The following DMRTB1 variants were observed in gnomAD, a reference collection of about 807,000 sequenced individuals.
DMRTB1 encodes DMRT like family B with proline rich C-terminal 1, also known as doublesex- and mab-3-related transcription factor B1.
DMRTB1 carries 9 observed loss-of-function variants against 25.2 expected under a neutral mutation model. That is an observed-to-expected ratio of 0.36 (90% confidence interval 0.22 to 0.62). The LOEUF (loss-of-function observed/expected upper bound fraction) is 0.62, where lower values mean the gene tolerates loss of function less well. Among genes scored for constraint, DMRTB1 ranks in the 20% least tolerant of loss-of-function variants. The pLI is 0.71. For missense variants in DMRTB1, 551 were observed against 499.3 expected (o/e 1.10, Z -0.99); for synonymous variants, 269 against 238.1 (o/e 1.13, Z -1.20).
intron 3 of DMRTB1, among the ~76,000 whole-genome samples, chr1:53,466,172 G>C (rs924155771): frequency 1.3e-5 from 2 of 152,166 alleles, no homozygotes; most frequent in African/African-American, 4.8e-5. Context: ...CTAGGGCTGG[G>C]AATGATGAGA....
intron 2 of DMRTB1, among the ~76,000 whole-genome samples, chr1:53,462,472 C>A (rs920279108): frequency 6.6e-6 from 1 of 152,320 alleles, no homozygotes. Context: ...TTCAGCCTGG[C>A]GGCAGCAGCT....
chr1:53,463,505 A>G (rs959754576), intron 2 of DMRTB1, among the ~76,000 whole-genome samples: 1 of 152,214 alleles, frequency 6.6e-6, no homozygotes, highest in South Asian at 2.1e-4. Context: ...TCCTGAGAAT[A>G]GATAAGGCGA....
intron 1 of DMRTB1, among the ~76,000 whole-genome samples, chr1:53,460,790 G>A (rs1454191783): frequency 6.6e-6 from 1 of 152,196 alleles, no homozygotes; most frequent in Non-Finnish European, 1.5e-5. Flanking sequence ...TGGTGGGACG[G>A]GCTCAGGCCG....
intron 1 of DMRTB1, 122 bp from the exon 2 acceptor site, chr1:53,461,351 G>A: frequency 9.7e-7 from 1 of 1,035,386 alleles, no homozygotes; most frequent in Non-Finnish European, 1.4e-6. Context: ...CCAGCGGAAG[G>A]AAGTGCGGGG....
At position 53,459,756 on chromosome 1, in the gene DMRTB1, G is replaced by A; in HGVS notation, c.303G>A (p.Gly101=). ...PAASLRPLSP[G]TPSGDADPGP... ...CGAGCCTCCGCCCGCTGTCCCCGGG[G>A]ACTCCCTCCGGAGACGCCGACCCGG... Residue 101 remains glycine (G), a synonymous_variant, in exon 1 of 4, where the codon GGG becomes GGA. Coordinates refer to ENST00000371445, the MANE Select transcript of DMRTB1 (RefSeq NM_033067.3). 2.2e-6 allele frequency: 3 copies of A among 1,363,872 alleles called. No individual in the cohort carries two copies. Among genetic ancestry groups the A allele is most frequent in the Non-Finnish European group, 2.8e-6 (3 of 1,061,628 alleles). 84.5% of individuals were successfully genotyped at this position (1,363,872 alleles called of 1,614,324 possible). A position where few individuals can be genotyped will look rare whatever the true frequency, so the allele number is the denominator to read the frequency against.
Position 53,466,802 on chromosome 1 carries a change from A to C in DMRTB1, c.*140A>C. The C allele has an allele frequency of 1.2e-6, 1 of 820,830 alleles. No individual in the cohort carries two copies. The highest frequency in any genetic ancestry group is 2.4e-5 in the East Asian group (1 of 40,946). The allele number at this position is 820,830 out of a possible 1,614,324, so 50.8% of individuals were successfully genotyped here. A position where few individuals can be genotyped will look rare whatever the true frequency, so the allele number is the denominator to read the frequency against. Reference sequence around the variant, plus strand: ...CAACTGATTCCCAGTTTAAGATAGGAGGAAGGAGAGCAATTTCTAAGTTTC... The same window carrying C: ...CAACTGATTCCCAGTTTAAGATAGGCGGAAGGAGAGCAATTTCTAAGTTTC... On this transcript the variant is annotated 3_prime_UTR_variant, in exon 4 of 4. Transcript: ENST00000371445.
Position 53,466,813 on chromosome 1 carries a change from C to A in DMRTB1, c.*151C>A. On this transcript the variant is annotated 3_prime_UTR_variant, in exon 4 of 4. Transcript: ENST00000371445. Reference sequence around the variant, plus strand: ...CAGTTTAAGATAGGAGGAAGGAGAGCAATTTCTAAGTTTCAATCCTGCGCT... The same window carrying A: ...CAGTTTAAGATAGGAGGAAGGAGAGAAATTTCTAAGTTTCAATCCTGCGCT... The A allele has an allele frequency of 1.3e-6, 1 of 780,986 alleles. No homozygotes were observed. Among genetic ancestry groups the A allele is most frequent in the Non-Finnish European group, 2.1e-6 (1 of 469,946 alleles). 48.4% of individuals were successfully genotyped at this position (780,986 alleles called of 1,614,324 possible). A position where few individuals can be genotyped will look rare whatever the true frequency, so the allele number is the denominator to read the frequency against.
intron 3 of DMRTB1, 80 bp from the exon 4 acceptor site, chr1:53,466,515 A>G (rs1644051087): frequency 7.1e-7 from 1 of 1,399,954 alleles, no homozygotes; most frequent in Middle Eastern, 1.8e-4. Context: ...AAAATAAGAA[A>G]AAAGAAAATC....
intron 3 of DMRTB1, among the ~76,000 whole-genome samples, chr1:53,465,727 T>A (rs991050547): frequency 2.6e-5 from 4 of 152,378 alleles, no homozygotes; most frequent in African/African-American, 7.2e-5. Context: ...GGTGGTTTCA[T>A]GTGGCTGAAA....
chr1:53,460,733 G>C (rs1271490529), intron 1 of DMRTB1, among the ~76,000 whole-genome samples: 2 of 152,234 alleles, frequency 1.3e-5, no homozygotes, highest in South Asian at 2.1e-4. Context: ...TAGAAGCCCC[G>C]GGGTTTGGTG....
At chr1:53,463,772 A>G (rs1644035519) in intron 2 of DMRTB1, among the ~76,000 whole-genome samples, 1 of 152,250 alleles carries the variant, frequency 6.6e-6, no homozygotes, top group South Asian at 2.1e-4. Context: ...CCAGGACTCC[A>G]TGAAACTCAG....
Position 53,467,432 on chromosome 1 carries a change from A to T in DMRTB1, c.*770A>T, listed in dbSNP as rs1407003963. 6.6e-6 allele frequency: 1 copy of T among 152,308 alleles called. No homozygotes were observed. The highest frequency in any genetic ancestry group is 1.9e-4 in the East Asian group (1 of 5,206). 9.4% of individuals were successfully genotyped at this position (152,308 alleles called of 1,614,324 possible). On this transcript the variant is annotated 3_prime_UTR_variant, in exon 4 of 4. Coordinates refer to ENST00000371445, the MANE Select transcript of DMRTB1 (RefSeq NM_033067.3). ...AATGGTGCTTCTGATCACCTGTGACATGAACAGTTTCTTCTGTGAGGACAG... is the reference window on the plus strand; with the variant it reads ...AATGGTGCTTCTGATCACCTGTGACTTGAACAGTTTCTTCTGTGAGGACAG...
intron 2 of DMRTB1, among the ~76,000 whole-genome samples, chr1:53,462,259 G>C (rs996333641): frequency 1.3e-5 from 2 of 152,216 alleles, no homozygotes; most frequent in Non-Finnish European, 2.9e-5. Context: ...TGTAAAGTCA[G>C]GTCATCCCTG....
chr1:53,460,076 C>A (rs1373864784), intron 1 of DMRTB1, 46 bp downstream of exon 1: 1 of 1,499,344 alleles, frequency 6.7e-7, no homozygotes, highest in Non-Finnish European at 8.8e-7. Flanking sequence ...GAGCTGGCAG[C>A]CCAGGCCAGC....
chr1:53,460,606 C>T (rs1644016561), intron 1 of DMRTB1: 1 of 152,554 alleles, frequency 6.6e-6, no homozygotes, highest in South Asian at 2.1e-4. Flanking sequence ...AACAGTTGGT[C>T]AGTAAAGATG....
At chr1:53,466,309 G>T (rs1404782598) in intron 3 of DMRTB1, among the ~76,000 whole-genome samples, 1 of 151,872 alleles carries the variant, frequency 6.6e-6, no homozygotes, top group Non-Finnish European at 1.5e-5. Flanking sequence ...TGGCCAACAT[G>T]GGGCAACCCT....
At chr1:53,465,908 C>T (rs1644047589) in intron 3 of DMRTB1, among the ~76,000 whole-genome samples, 1 of 152,216 alleles carries the variant, frequency 6.6e-6, no homozygotes, top group African/African-American at 2.4e-5. Flanking sequence ...TAAACAGAAC[C>T]TGAAGTGATG....
chr1:53,466,075 G>A (rs1644048476), intron 3 of DMRTB1, among the ~76,000 whole-genome samples: 1 of 152,232 alleles, frequency 6.6e-6, no homozygotes, highest in Non-Finnish European at 1.5e-5. Context: ...AGCAGAGCAA[G>A]AGCTGGAACT....
At position 53,459,865 on chromosome 1, in the gene DMRTB1, C is replaced by G; in HGVS notation, c.412C>G (p.Leu138Val). ...CGGCCCGAGAGCCCTCCAGCCGGTTCTGGGCGGCCGCAGCCACGTGGAGCC... is the reference window on the plus strand; with the variant it reads ...CGGCCCGAGAGCCCTCCAGCCGGTTGTGGGCGGCCGCAGCCACGTGGAGCC... ...NPGPRALQPV[L>V]GGRSHVEPSE... is the part of the protein sequence containing the mutation. Residue 138 changes from leucine to valine, a missense_variant, in exon 1 of 4, where the codon CTG becomes GTG. Physicochemically the swap from Leu to Val is conservative, Grantham distance 32. Coordinates refer to ENST00000371445, the MANE Select transcript of DMRTB1 (RefSeq NM_033067.3). The G allele has an allele frequency of 6.6e-7, 1 of 1,505,314 alleles. No homozygotes were observed. The highest frequency in any genetic ancestry group is 8.8e-7 in the Non-Finnish European group (1 of 1,135,666). The allele number at this position is 1,505,314 out of a possible 1,614,324, so 93.2% of individuals were successfully genotyped here. A position where few individuals can be genotyped will look rare whatever the true frequency, so the allele number is the denominator to read the frequency against.
Sources: allele counts gnomAD v4.1 joint callset (sites outside exome capture counted in the v4.1 genomes callset), GRCh38; gene constraint gnomAD v4.1.1; transcripts MANE v1.5; gene names NCBI Gene and HGNC (gene_info 2026-07-23, HGNC 2026-07-21).